The following PACS1 variants were observed in gnomAD, a reference collection of about 807,000 sequenced individuals.
The protein encoded by PACS1 is PACS-1.
A neutral mutation model predicts 115.0 loss-of-function variants in PACS1; 24 were observed. The observed-to-expected ratio is 0.21, with a 90% confidence interval of 0.15 to 0.29. The LOEUF (loss-of-function observed/expected upper bound fraction) is 0.29, where lower values mean the gene tolerates loss of function less well. PACS1 is among the 10% of genes least tolerant of loss of function. PACS1 has a pLI of 1.00. For missense variants in PACS1, 838 were observed against 1,251.2 expected, an observed-to-expected ratio of 0.67 and a Z score of 4.98; for synonymous variants, 453 against 504.5, an observed-to-expected ratio of 0.90 and a Z score of 1.37.
intron 1 of PACS1, among the ~76,000 whole-genome samples, chr11:66,136,323 TCACACA>T (rs61577143): frequency 7.4e-4 from 108 of 145,736 alleles, no homozygotes; most frequent in Middle Eastern, 7.0e-3. Flanking sequence ...AATCCCACTG[TCACACA>T]CACACACACA....
intron 1 of PACS1, among the ~76,000 whole-genome samples, chr11:66,080,537 A>G (rs187122584): frequency 4.4e-4 from 67 of 152,310 alleles, no homozygotes; most frequent in Non-Finnish European, 1.2e-4. Flanking sequence ...AAACTGCCAG[A>G]GCCAGGTGCT....
At chr11:66,099,976 G>A (rs1449934425) in intron 1 of PACS1, among the ~76,000 whole-genome samples, 1 of 152,120 alleles carries the variant, frequency 6.6e-6, no homozygotes, top group African/African-American at 2.4e-5. Context: ...CGCCTCCTGG[G>A]TTCAAGCAGT....
chr11:66,137,024 C>A (rs977766952), intron 1 of PACS1, among the ~76,000 whole-genome samples: 5 of 86,142 alleles, frequency 5.8e-5, no homozygotes, highest in Admixed American at 3.3e-4. Flanking sequence ...CACAAATTGC[C>A]CCCCCCCCCA....
intron 7 of PACS1, among the ~76,000 whole-genome samples, chr11:66,219,337 G>A (rs1855286405): frequency 6.6e-6 from 1 of 151,888 alleles, no homozygotes; most frequent in Admixed American, 6.6e-5. Context: ...AAGAGGATCG[G>A]GGTGCAAGGA....
intron 2 of PACS1, among the ~76,000 whole-genome samples, chr11:66,207,656 T>C (rs765201134): frequency 1.3e-5 from 2 of 152,234 alleles, no homozygotes; most frequent in Non-Finnish European, 2.9e-5. Context: ...CCCTGGCCTG[T>C]GTGCGGGCTG....
At chr11:66,175,051 TG>T (rs1411631109) in intron 1 of PACS1, among the ~76,000 whole-genome samples, 2 of 151,902 alleles carry the variant, frequency 1.3e-5, no homozygotes, top group Non-Finnish European at 1.5e-5. Context: ...CTCGGGAGGC[TG>T]AGGCAGGGTA....
At chr11:66,217,907 G>A in intron 7 of PACS1, 1 of 250,982 alleles carries the variant, frequency 4.0e-6, no homozygotes, top group Non-Finnish European at 7.9e-6. Flanking sequence ...AGCTTCATAA[G>A]TCACCTCTTC....
intron 9 of PACS1, 136 bp downstream of exon 9, chr11:66,220,927 G>A: frequency 4.6e-6 from 5 of 1,083,406 alleles, no homozygotes; most frequent in South Asian, 3.1e-5. Context: ...GGCTGTCTTG[G>A]AGAAGGTCAC....
intron 1 of PACS1, among the ~76,000 whole-genome samples, chr11:66,132,646 C>CT (rs1858730523): frequency 6.6e-6 from 1 of 152,050 alleles, no homozygotes; most frequent in Admixed American, 6.6e-5. Context: ...TGCAACCAGC[C>CT]TTTTTTTCCC....
At chr11:66,199,335 GA>G (rs1384339220) in intron 2 of PACS1, among the ~76,000 whole-genome samples, 3 of 151,530 alleles carry the variant, frequency 2.0e-5, no homozygotes, top group Non-Finnish European at 2.9e-5. Flanking sequence ...AAAAAAGAGG[GA>G]GGGGGGATGA....
intron 2 of PACS1, among the ~76,000 whole-genome samples, chr11:66,194,081 A>G (rs1329278594): frequency 1.3e-5 from 2 of 152,158 alleles, no homozygotes; most frequent in Non-Finnish European, 2.9e-5. Context: ...CTCCTGCCTC[A>G]GCCTCCCTTG....
rs375232816 is a variant in PACS1 at position 66,243,044 on chromosome 11, G to A, written c.2776+13G>A. On this transcript the variant is annotated intron_variant, in intron 23 of 23. Transcript: ENST00000320580. ...ACTATGCTGAGAGGTGCGAGGGCAGGCAGGGCCGGGAGGAGGGCAAGAAAG... is the reference window on the plus strand; with the variant it reads ...ACTATGCTGAGAGGTGCGAGGGCAGACAGGGCCGGGAGGAGGGCAAGAAAG... The A allele has an allele frequency of 1.9e-6, 3 of 1,613,876 alleles. No individual in the cohort carries two copies. Among genetic ancestry groups the A allele is most frequent in the Middle Eastern group, 1.7e-4 (1 of 6,058 alleles).
intron 13 of PACS1, 69 bp downstream of exon 13, chr11:66,231,009 G>C: frequency 6.3e-7 from 1 of 1,579,824 alleles, no homozygotes; most frequent in Non-Finnish European, 8.7e-7. Flanking sequence ...CTGTTTTGTT[G>C]GCTTCCTTGG....
chr11:66,202,178 G>C (rs1854816734), intron 2 of PACS1, among the ~76,000 whole-genome samples: 1 of 152,084 alleles, frequency 6.6e-6, no homozygotes, highest in Non-Finnish European at 1.5e-5. Context: ...TTCCAAGATT[G>C]AACCATGAAG....
intron 1 of PACS1, among the ~76,000 whole-genome samples, chr11:66,081,409 G>A (rs1453188737): frequency 6.6e-6 from 1 of 151,664 alleles, no homozygotes; most frequent in African/African-American, 2.4e-5. Context: ...TAATTTCTCC[G>A]TCTTCCCTGC....
intron 1 of PACS1, among the ~76,000 whole-genome samples, chr11:66,141,541 C>T (rs1168257117): frequency 6.6e-6 from 1 of 151,824 alleles, no homozygotes; most frequent in Non-Finnish European, 1.5e-5. Context: ...GTAGTCCTGG[C>T]CACTCAGGTA....
At chr11:66,106,416 A>G (rs760110138) in intron 1 of PACS1, among the ~76,000 whole-genome samples, 13 of 152,136 alleles carry the variant, frequency 8.5e-5, no homozygotes. Context: ...TACTAAAAAT[A>G]CAAAAATTAG....
intron 1 of PACS1, among the ~76,000 whole-genome samples, chr11:66,093,025 T>C (rs1248074560): frequency 1.3e-5 from 2 of 152,174 alleles, no homozygotes; most frequent in African/African-American, 4.8e-5. Flanking sequence ...ATATGAACTT[T>C]AAAGTAGTTT....
At chr11:66,222,711 G>A (rs1043604020) in intron 10 of PACS1, among the ~76,000 whole-genome samples, 1 of 152,130 alleles carries the variant, frequency 6.6e-6, no homozygotes, top group South Asian at 2.1e-4. Flanking sequence ...CCTGCAGATC[G>A]GTAGTAATTG....
Sources: allele counts gnomAD v4.1 joint callset (sites outside exome capture counted in the v4.1 genomes callset), GRCh38; gene constraint gnomAD v4.1.1; transcripts MANE v1.5; gene names NCBI Gene and HGNC (gene_info 2026-07-23, HGNC 2026-07-21).